MBD5: variants seen among roughly 807,000 people sequenced by gnomAD.
The protein encoded by MBD5 is methyl-CpG-binding domain protein 5.
Under a neutral mutation model 117.3 loss-of-function variants are expected in MBD5, and 13 were observed. That is an observed-to-expected ratio of 0.11 (90% CI 0.07 to 0.18). The LOEUF is 0.18. Among genes scored for constraint, MBD5 ranks in the 10% least tolerant of loss-of-function variants. MBD5 has a pLI of 1.00. For synonymous variants in MBD5, 727 were observed against 766.4 expected (o/e 0.95, Z 0.85); for missense variants, 1,879 against 2,093.8 (o/e 0.90, Z 2.00).
intron 4 of MBD5, among the ~76,000 whole-genome samples, chr2:148,431,292 G>A (rs1015481961): frequency 9.2e-5 from 14 of 151,954 alleles, no homozygotes; most frequent in African/African-American, 3.1e-4. Context: ...TTCCAAATTA[G>A]ACCAATAAAT....
At chr2:148,377,575 G>A (rs898296579) in intron 4 of MBD5, among the ~76,000 whole-genome samples, 5 of 152,178 alleles carry the variant, frequency 3.3e-5, no homozygotes, top group South Asian at 2.1e-4. Flanking sequence ...CTTTCTCTGC[G>A]TTTCTTACAG....
At chr2:148,333,353 T>C (rs1291681674) in intron 3 of MBD5, among the ~76,000 whole-genome samples, 3 of 152,182 alleles carry the variant, frequency 2.0e-5, no homozygotes, top group Non-Finnish European at 4.4e-5. Context: ...GAACCTAATA[T>C]TGTTTTATTG....
At chr2:148,229,001 T>G (rs1699912418) in intron 2 of MBD5, among the ~76,000 whole-genome samples, 1 of 152,158 alleles carries the variant, frequency 6.6e-6, no homozygotes. Context: ...CTTCTCTCTT[T>G]TCTTCTTTAT....
At chr2:148,217,264 AGCATCT>A (rs1468743459) in intron 2 of MBD5, among the ~76,000 whole-genome samples, 5 of 152,268 alleles carry the variant, frequency 3.3e-5, no homozygotes, top group Admixed American at 2.6e-4. Context: ...CCTCTGCTTT[AGCATCT>A]CCACCCCTGC....
intron 1 of MBD5, among the ~76,000 whole-genome samples, chr2:148,170,209 T>G (rs1698231323): frequency 6.6e-6 from 1 of 152,352 alleles, no homozygotes; most frequent in East Asian, 1.9e-4. Flanking sequence ...GGATTCTTCT[T>G]TTCTTTGCGA....
intron 1 of MBD5, among the ~76,000 whole-genome samples, chr2:148,070,513 G>A (rs898342876): frequency 3.3e-5 from 5 of 152,040 alleles, no homozygotes; most frequent in Non-Finnish European, 1.5e-5. Context: ...TTATCATGGT[G>A]GTACCAAGAT....
At chr2:148,254,790 G>T (rs532538670) in intron 3 of MBD5, among the ~76,000 whole-genome samples, 1 of 152,288 alleles carries the variant, frequency 6.6e-6, no homozygotes, top group East Asian at 1.9e-4. Flanking sequence ...ACACAGTGGT[G>T]TTACCACAGT....
chr2:148,386,562 CA>C (rs1422564375), intron 4 of MBD5, among the ~76,000 whole-genome samples: 1 of 150,780 alleles, frequency 6.6e-6, no homozygotes, highest in East Asian at 1.9e-4. Flanking sequence ...ACTAAAAATA[CA>C]AAAAAATTAG....
In MBD5 at chr2:148,469,013, C is replaced by T; in HGVS notation, c.1070C>T (p.Pro357Leu). 6.2e-7 allele frequency: 1 copy of T among 1,613,956 alleles called. No homozygotes were observed. The highest frequency in any genetic ancestry group is 1.1e-5 in the South Asian group (1 of 91,072). Residue 357 changes from proline (P) to leucine (L), a missense_variant, in exon 8 of 14, where the codon CCA becomes CTA. Transcript: ENST00000642680. ...AAGCCATTAACATCTGAGAAAGATC[C>T]ACTTGGCATTCTTGACCCTATTCCT... The part of the protein sequence containing the change: ...QKKPLTSEKD[P>L]LGILDPIPSK...
intron 3 of MBD5, among the ~76,000 whole-genome samples, chr2:148,263,746 T>G (rs1700788545): frequency 6.6e-6 from 1 of 152,224 alleles, no homozygotes; most frequent in Non-Finnish European, 1.5e-5. Flanking sequence ...TTACTATGCA[T>G]TAGCAATGAA....
intron 4 of MBD5, among the ~76,000 whole-genome samples, chr2:148,427,468 G>C (rs963420824): frequency 2.0e-5 from 3 of 152,132 alleles, no homozygotes; most frequent in African/African-American, 7.2e-5. Flanking sequence ...CATAAAAAAT[G>C]ATGAGTTCAT....
At chr2:148,203,767 C>T (rs112457883) in intron 2 of MBD5, among the ~76,000 whole-genome samples, 3 of 147,192 alleles carry the variant, frequency 2.0e-5, no homozygotes, top group East Asian at 2.0e-4. Context: ...GCTGACAACT[C>T]ATCTCACCTT....
chr2:148,150,732 G>T (rs1404907553), intron 1 of MBD5, among the ~76,000 whole-genome samples: 1 of 151,932 alleles, frequency 6.6e-6, no homozygotes, highest in Non-Finnish European at 1.5e-5. Flanking sequence ...TCATGATTTG[G>T]CTCTCTGTTT....
chr2:148,154,036 T>G lies in MBD5; in HGVS notation c.-924-24664T>G, dbSNP rs1269326471. ...GCGCTCTGCGTTTTAGAGTTTCCAG[T>G]TTTTCTGTTCTGTTTTTTCCCCATC... On this transcript the variant is annotated intron_variant, in intron 1 of 13. Transcript: ENST00000642680. 7.3e-5 allele frequency among the ~76,000 whole-genome samples: 7 copies of G among 96,468 alleles called. No homozygotes were observed. The South Asian group carries it at 3.5e-3, about 49-fold the overall frequency. The allele number at this position is 96,468 out of a possible 152,430, so 63.3% of individuals were successfully genotyped here.
chr2:148,431,851 G>A (rs1157206153), intron 4 of MBD5, among the ~76,000 whole-genome samples: 1 of 152,088 alleles, frequency 6.6e-6, no homozygotes, highest in African/African-American at 2.4e-5. Context: ...ACATACACGT[G>A]CATGTGTCTT....
Position 148,307,425 on chromosome 2 carries a change from A to G in MBD5, c.-679-34789A>G, listed in dbSNP as rs531899089. ...AAACTTTTACAACCATTTTACATCC[A>G]TTCAGTTTTTATCATACTCTTTTCC... On this transcript the variant is annotated intron_variant, in intron 3 of 13. Transcript: ENST00000642680. 1.8e-3 allele frequency among the ~76,000 whole-genome samples: 280 copies of G among 152,166 alleles called. 2 individuals carry two copies. The highest frequency in any genetic ancestry group is 3.5e-3 in the Non-Finnish European group (235 of 67,988).
At chr2:148,139,462 G>A (rs1697256867) in intron 1 of MBD5, among the ~76,000 whole-genome samples, 1 of 152,066 alleles carries the variant, frequency 6.6e-6, no homozygotes, top group Non-Finnish European at 1.5e-5. Flanking sequence ...CGAGGCCTCC[G>A]AGGCCTCCGA....
Position 148,485,773 on chromosome 2 carries a change from T to G in MBD5, c.3576T>G (p.Ser1192Arg), listed in dbSNP as rs763780328. Residue 1192 changes from serine (S) to arginine (R), a missense_variant, in exon 10 of 14, where the codon AGT (serine) becomes AGG (arginine). Coordinates refer to ENST00000642680, the MANE Select transcript of MBD5 (RefSeq NM_001378120.1). ...TGTCATCAATAAACAATACTTTGAGTAACCATCAACTGACTCATCTACAGT... is the reference window on the plus strand; with the variant it reads ...TGTCATCAATAAACAATACTTTGAGGAACCATCAACTGACTCATCTACAGT... ...GDMSSINNTLSNHQLTHLQSL... is the reference protein window; with the variant it reads ...GDMSSINNTLRNHQLTHLQSL... 1 of 1,613,752 alleles carries G rather than the reference T, an allele frequency of 6.2e-7. No homozygotes were observed. The highest frequency in any genetic ancestry group is 1.7e-5 in the Admixed American group (1 of 59,980).
chr2:148,210,896 G>T (rs1230229668), intron 2 of MBD5, among the ~76,000 whole-genome samples: 1 of 151,904 alleles, frequency 6.6e-6, no homozygotes, highest in Non-Finnish European at 1.5e-5. Flanking sequence ...CCTGTCTTTA[G>T]ATAGTTCCCT....
Sources: gnomAD v4.1 joint callset for allele counts (sites outside exome capture counted in the v4.1 genomes callset) on GRCh38, gnomAD v4.1.1 for gene constraint, MANE v1.5 for transcripts, NCBI Gene and HGNC (gene_info 2026-07-23, HGNC 2026-07-21) for gene names.